Variants in ERG observed in about 807,000 individuals in gnomAD.
ERG encodes the protein transcriptional regulator ERG.
In ERG, 9 loss-of-function variants were observed where a neutral mutation model predicts 55.3. The observed-to-expected ratio is 0.16, with a 90% CI of 0.10 to 0.28. ERG has a LOEUF of 0.28. Among genes scored for constraint, ERG ranks in the 10% least tolerant of loss-of-function variants. The pLI, the probability that ERG is intolerant of heterozygous loss-of-function variation, is 1.00. For synonymous variants in ERG, 223 were observed against 237.3 expected (o/e 0.94, Z 0.55); for missense variants, 434 against 631.6 (o/e 0.69, Z 3.35).
chr21:38,499,242 T>C (rs866448692), upstream of ERG, among the ~76,000 whole-genome samples: 4 of 152,126 alleles, frequency 2.6e-5, no homozygotes, highest in Admixed American at 6.5e-5. Flanking sequence ...CTGACAGACA[T>C]CCATGTTGCA....
intron 1 of ERG, among the ~76,000 whole-genome samples, chr21:38,449,543 T>C (rs1037163162): frequency 3.9e-5 from 6 of 152,196 alleles, no homozygotes; most frequent in African/African-American, 7.2e-5. Context: ...CTCTAAAATA[T>C]GCATCTATTT....
chr21:38,660,493 G>C (rs1459640691), intron 1 of ERG: 1 of 152,432 alleles, frequency 6.6e-6, no homozygotes, highest in Admixed American at 6.5e-5. Context: ...CGTGGGAGCC[G>C]GGCAGGTCGC....
upstream of ERG, among the ~76,000 whole-genome samples, chr21:38,499,696 C>T (rs1368096117): frequency 7.1e-6 from 1 of 140,430 alleles, no homozygotes; most frequent in South Asian, 2.2e-4. Flanking sequence ...CATGTTAGGA[C>T]AAAAGAAGGA....
chr21:38,496,022 T>C (rs939527215), intron 1 of ERG, among the ~76,000 whole-genome samples: 36 of 152,188 alleles, frequency 2.4e-4, no homozygotes, highest in Non-Finnish European at 4.3e-4. Context: ...TCACAGACAC[T>C]TAGAGATAAA....
chr21:38,409,322 A>C (rs574854822), intron 3 of ERG, among the ~76,000 whole-genome samples: 1 of 152,164 alleles, frequency 6.6e-6, no homozygotes, highest in East Asian at 1.9e-4. Flanking sequence ...CATCTCTACT[A>C]AAAATACAAA....
At chr21:38,531,414 T>C (rs1180365390) in intron 2 of ERG, among the ~76,000 whole-genome samples, 1 of 152,210 alleles carries the variant, frequency 6.6e-6, no homozygotes, top group Non-Finnish European at 1.5e-5. Flanking sequence ...AATCACCATT[T>C]ACAGTGTTTG....
chr21:38,494,820 C>A (rs948528975), intron 1 of ERG, among the ~76,000 whole-genome samples: 1 of 152,218 alleles, frequency 6.6e-6, no homozygotes, highest in Non-Finnish European at 1.5e-5. Flanking sequence ...TGCATGGGTG[C>A]ATGCACACAC....
Position 38,445,544 on chromosome 21 carries a change from C to G in ERG, c.96G>C (p.Glu32Asp). 5 of 1,614,132 alleles carry G rather than the reference C, an allele frequency of 3.1e-6. No individual in the cohort carries two copies. Among genetic ancestry groups the G allele is most frequent in the Non-Finnish European group, 4.2e-6 (5 of 1,180,032 alleles). Residue 32 changes from glutamate (E) to aspartate (D), a missense_variant, in exon 2 of 10, where the codon GAG (glutamate) becomes GAC (aspartate). Physicochemically the swap from Glu to Asp is conservative, Grantham distance 45 (BLOSUM62 2). Around this residue, in one of 5 missense-constraint regions of ERG, gnomAD observed 212 missense variants for 262.9 expected, o/e 0.81. Transcript: ENST00000288319. ...AYGTPHLAKT[E>D]MTASSSSDYG... ...AGTCGCTGGAGGAGGACGCGGTCAT[C>G]TCTGTCTTAGCCAGGTGTGGCGTTC...
chr21:38,445,699 C>T lies in ERG; in HGVS notation c.19-78G>A. 3.4e-6 allele frequency: 4 copies of T among 1,172,050 alleles called. No individual in the cohort carries two copies. In the South Asian group the frequency reaches 5.2e-5, roughly 15 times the overall value. 72.6% of individuals were successfully genotyped at this position (1,172,050 alleles called of 1,614,324 possible). ...TTCAAAAAGTTGTTGATTTCAGAGT[C>T]CTTTCTAACTGGGACCACATTTTAG... On this transcript the variant is annotated intron_variant, in intron 1 of 9. Transcript: ENST00000288319.
chr21:38,606,122 T>C (rs2060195596), intron 1 of ERG, among the ~76,000 whole-genome samples: 1 of 151,764 alleles, frequency 6.6e-6, no homozygotes, highest in African/African-American at 2.4e-5. Context: ...GGTAGATAGG[T>C]AGATAGATAG....
At position 38,383,259 on chromosome 21, in the gene ERG, T is replaced by C. The variant is rs1184689368; in HGVS notation, c.*144A>G. 7.5e-7 allele frequency: 1 copy of C among 1,334,560 alleles called. No homozygotes were observed. Among genetic ancestry groups the C allele is most frequent in the Admixed American group, 3.5e-5 (1 of 28,624 alleles). The allele number at this position is 1,334,560 out of a possible 1,614,324, so 82.7% of individuals were successfully genotyped here. On this transcript the variant is annotated 3_prime_UTR_variant, in exon 10 of 10. Transcript: ENST00000288319. The surrounding 1 kb of genome is among the most constrained non-coding windows in gnomAD (Gnocchi z 5.7). Reference sequence around the variant, plus strand: ...TCAGTAACTCCCTCCCAAGAGTCTTTGGATCTCTTCCCCGGCTTCCTTCCC... The same window carrying C: ...TCAGTAACTCCCTCCCAAGAGTCTTCGGATCTCTTCCCCGGCTTCCTTCCC...
chr21:38,401,248 T>C (rs999111868), intron 5 of ERG, among the ~76,000 whole-genome samples: 1 of 152,238 alleles, frequency 6.6e-6, no homozygotes, highest in Non-Finnish European at 1.5e-5. Flanking sequence ...CAAAATTTAA[T>C]ATATTTGGAG....
intron 1 of ERG, among the ~76,000 whole-genome samples, chr21:38,595,508 C>T (rs1313933547): frequency 6.6e-6 from 1 of 152,154 alleles, no homozygotes; most frequent in East Asian, 1.9e-4. Flanking sequence ...CCTTGAACCC[C>T]GGGGCCTGTG....
intron 2 of ERG, among the ~76,000 whole-genome samples, chr21:38,565,523 GC>G (rs2059917549): frequency 6.6e-6 from 1 of 152,056 alleles, no homozygotes; most frequent in Admixed American, 6.6e-5. Flanking sequence ...CTCCACGCCA[GC>G]CCCCAGTCTC....
Position 38,554,658 on chromosome 21 carries a change from C to G in ERG, c.-41+21004G>C, listed in dbSNP as rs1056096549. ...GACACAAAGAATGGAATGATAGACA[C>G]CAGGGGCTGCTTGAGGGTGGAGGGT... On this transcript the variant is annotated intron_variant, in intron 2 of 8. Transcript: ENST00000398897. 9.2e-5 allele frequency among the ~76,000 whole-genome samples: 14 copies of G among 152,140 alleles called. No homozygotes were observed. The East Asian group carries it at 2.5e-3, about 27-fold the overall frequency.
intron 1 of ERG, among the ~76,000 whole-genome samples, chr21:38,581,206 G>T (rs1476932598): frequency 6.6e-6 from 1 of 152,180 alleles, no homozygotes; most frequent in Non-Finnish European, 1.5e-5. Flanking sequence ...GGCCTAGAAG[G>T]CATAGGCAGG....
Position 38,498,281 on chromosome 21 carries a change from C to G in ERG, c.18+82G>C. 7.8e-7 allele frequency: 1 copy of G among 1,276,596 alleles called. No individual in the cohort carries two copies. The highest frequency in any genetic ancestry group is 1.1e-6 in the Non-Finnish European group (1 of 880,716). 79.1% of individuals were successfully genotyped at this position (1,276,596 alleles called of 1,614,324 possible). A position where few individuals can be genotyped will look rare whatever the true frequency, so the allele number is the denominator to read the frequency against. On this transcript the variant is annotated intron_variant, in intron 1 of 9. Transcript: ENST00000288319. This position sits in a 1 kb window ranked among gnomAD's most constrained non-coding sequence, Gnocchi z 4.6. Reference sequence around the variant, plus strand: ...CAGTGGGGGTGTTGCCCAACCCTAACTTATCTGCCTTGATAAAGGAAACCA... The same window carrying G: ...CAGTGGGGGTGTTGCCCAACCCTAAGTTATCTGCCTTGATAAAGGAAACCA...
intron 2 of ERG, among the ~76,000 whole-genome samples, chr21:38,441,593 T>C (rs924097301): frequency 3.3e-5 from 5 of 152,166 alleles, no homozygotes; most frequent in Admixed American, 6.5e-5. Flanking sequence ...CCAGACACAA[T>C]GCCAGGAGAC....
chr21:38,607,377 G>A (rs1442580255), intron 1 of ERG, among the ~76,000 whole-genome samples: 4 of 152,154 alleles, frequency 2.6e-5, no homozygotes, highest in South Asian at 4.1e-4. Flanking sequence ...GGTGGCTCAC[G>A]CCTGTAATCC....
Sources: allele counts gnomAD v4.1 joint callset (sites outside exome capture counted in the v4.1 genomes callset), GRCh38; gene constraint gnomAD v4.1.1; regional missense constraint gnomAD v4.1.1; non-coding constraint Gnocchi (gnomAD v3.1); transcripts MANE v1.5; gene names NCBI Gene and HGNC (gene_info 2026-07-23, HGNC 2026-07-21).